Variants in GALNT13 observed in about 807,000 individuals in gnomAD.
The protein encoded by GALNT13 is polypeptide N-acetylgalactosaminyltransferase 13, also known as UDP-GalNAc:polypeptide N-acetylgalactosaminyltransferase 13.
GALNT13 carries 28 observed loss-of-function variants against 64.2 expected under a neutral mutation model. That is an observed-to-expected ratio of 0.44 (90% CI 0.32 to 0.60). The LOEUF (loss-of-function observed/expected upper bound fraction) is 0.60, where lower values mean the gene tolerates loss of function less well. Among genes scored for constraint, GALNT13 ranks in the 20% least tolerant of loss-of-function variants. The probability of loss-of-function intolerance (pLI) is 0.05; values close to 1 mark genes in which losing one functional copy is unlikely to be tolerated. For missense variants in GALNT13, 577 were observed against 669.8 expected (o/e 0.86, Z 1.53); for synonymous variants, 214 against 224.6 (o/e 0.95, Z 0.42).
the GALNT13 span, among the ~76,000 whole-genome samples, chr2:153,811,653 T>C: frequency 6.6e-6 from 1 of 152,194 alleles, no homozygotes; most frequent in Non-Finnish European, 1.5e-5. Context: ...GTAGAGAAAT[T>C]GCAAGCCAAA....
chr2:153,301,309 CA>C, the GALNT13 span, among the ~76,000 whole-genome samples: 10 of 76,432 alleles, frequency 1.3e-4, no homozygotes, highest in African/African-American at 4.7e-4. Context: ...GACTCCTTCT[CA>C]AAAAAAAAGA....
At chr2:153,621,380 C>G in the GALNT13 span, among the ~76,000 whole-genome samples, 3 of 152,078 alleles carry the variant, frequency 2.0e-5, no homozygotes, top group Non-Finnish European at 4.4e-5. Context: ...ATCCCAATGA[C>G]TGTATTGGGT....
rs1574065409 is a variant in GALNT13, at chr2:153,896,081, A to ATATATATATATATATTTTTTTTTTTTTT, written c.-176-4854_-176-4853insATATATATATATATTTTTTTTTTTTTTT. Among the ~76,000 whole-genome samples the ATATATATATATATATTTTTTTTTTTTTT allele has an allele frequency of 2.6e-4, 36 of 136,854 alleles. No homozygotes were observed. The East Asian group carries it at 4.5e-3, about 17-fold the overall frequency. The allele number at this position is 136,854 out of a possible 152,430, so 89.8% of individuals were successfully genotyped here. Reference sequence around the variant, plus strand: ...TTTCTGGAATTAAGGATGATTTTATATTTTTATGTTTTTTCCTAAATTAAA... The same window carrying ATATATATATATATATTTTTTTTTTTTTT: ...TTTCTGGAATTAAGGATGATTTTATATATATATATATATATTTTTTTTTTTTTTTTTTTATGTTTTTTCCTAAATTAAA... On this transcript the variant is annotated intron_variant, in intron 1 of 12. Transcript: ENST00000392825.
chr2:154,199,477 C>T (rs1329413061), intron 4 of GALNT13, among the ~76,000 whole-genome samples: 1 of 151,932 alleles, frequency 6.6e-6, no homozygotes, highest in Non-Finnish European at 1.5e-5. Flanking sequence ...CCTTAGGAAA[C>T]TTGAGGTTTA....
the GALNT13 span, among the ~76,000 whole-genome samples, chr2:153,165,440 CA>C: frequency 6.6e-6 from 1 of 152,148 alleles, no homozygotes; most frequent in East Asian, 1.9e-4. Context: ...TACAAACAGC[CA>C]GATTTATTTT....
At chr2:153,858,905 G>T in the GALNT13 span, among the ~76,000 whole-genome samples, 1 of 151,884 alleles carries the variant, frequency 6.6e-6, no homozygotes, top group Non-Finnish European at 1.5e-5. Context: ...ACTAATTTTT[G>T]TATTTTTTAG....
intron 9 of GALNT13, among the ~76,000 whole-genome samples, chr2:154,327,187 G>A (rs957223422): frequency 2.0e-5 from 3 of 152,102 alleles, no homozygotes; most frequent in Non-Finnish European, 4.4e-5. Context: ...TTCCTCCTTC[G>A]TTCCTTTGTT....
intron 1 of GALNT13, among the ~76,000 whole-genome samples, chr2:153,900,061 G>A (rs555800766): frequency 1.8e-3 from 271 of 150,104 alleles, no homozygotes; most frequent in African/African-American, 5.8e-3. Flanking sequence ...TCAGCCTCCC[G>A]AGTAGCTGGG....
At chr2:154,188,207 A>G (rs1224280301) in intron 4 of GALNT13, among the ~76,000 whole-genome samples, 2 of 152,132 alleles carry the variant, frequency 1.3e-5, no homozygotes, top group African/African-American at 4.8e-5. Context: ...CTTTGGTCAG[A>G]TGAATGCTCT....
At chr2:154,152,981 C>T (rs1015336590) in intron 4 of GALNT13, among the ~76,000 whole-genome samples, 15 of 152,286 alleles carry the variant, frequency 9.8e-5, no homozygotes, top group East Asian at 5.8e-4. Flanking sequence ...TGAGGAGCTG[C>T]GTTCCTTTGG....
At chr2:153,527,971 A>C in the GALNT13 span, among the ~76,000 whole-genome samples, 1 of 152,152 alleles carries the variant, frequency 6.6e-6, no homozygotes, top group South Asian at 2.1e-4. Flanking sequence ...ATATTACTGG[A>C]GAAAATCACC....
intron 8 of GALNT13, among the ~76,000 whole-genome samples, chr2:154,293,869 C>T (rs1023264691): frequency 1.3e-5 from 2 of 152,060 alleles, no homozygotes; most frequent in African/African-American, 4.8e-5. Context: ...ACCGTGGAGT[C>T]TAAATATATG....
chr2:154,408,925 T>C (rs1452888751), intron 10 of GALNT13, 59 bp from the exon 11 acceptor site: 2 of 1,013,436 alleles, frequency 2.0e-6, no homozygotes, highest in Non-Finnish European at 3.1e-6. Flanking sequence ...AAGGATTTGA[T>C]GACTTAAATA....
intron 1 of GALNT13, among the ~76,000 whole-genome samples, chr2:153,879,127 GATTT>G (rs1238292934): frequency 6.6e-6 from 1 of 152,146 alleles, no homozygotes; most frequent in African/African-American, 2.4e-5. Flanking sequence ...TCACTTAACA[GATTT>G]ATTTAACAAA....
intron 3 of GALNT13, among the ~76,000 whole-genome samples, chr2:154,053,443 A>C (rs971867204): frequency 6.6e-6 from 1 of 151,472 alleles, no homozygotes; most frequent in African/African-American, 2.4e-5. Context: ...AAATTTATTG[A>C]ATGACTTTTA....
chr2:154,095,934 G>T (rs1389852217), intron 3 of GALNT13, among the ~76,000 whole-genome samples: 1 of 151,826 alleles, frequency 6.6e-6, no homozygotes, highest in Non-Finnish European at 1.5e-5. Context: ...GTAATCTCTG[G>T]ATACCACATC....
chr2:153,737,483 A>G, the GALNT13 span, among the ~76,000 whole-genome samples: 497 of 151,956 alleles, frequency 3.3e-3, 2 homozygotes, highest in African/African-American at 0.011. Flanking sequence ...TTTTATTTTC[A>G]TTGTGTAACA....
chr2:153,328,855 GA>G, the GALNT13 span, among the ~76,000 whole-genome samples: 2 of 151,772 alleles, frequency 1.3e-5, no homozygotes, highest in Non-Finnish European at 1.5e-5. Flanking sequence ...CTGGGGTACA[GA>G]AAAAAAACTC....
the GALNT13 span, among the ~76,000 whole-genome samples, chr2:153,847,057 T>C: frequency 6.6e-6 from 1 of 151,994 alleles, no homozygotes; most frequent in African/African-American, 2.4e-5. Context: ...CAAAATGTAT[T>C]CCCTATAAAA....
Sources: allele counts gnomAD v4.1 joint callset (sites outside exome capture counted in the v4.1 genomes callset), GRCh38; gene constraint gnomAD v4.1.1; transcripts MANE v1.5; gene names NCBI Gene and HGNC (gene_info 2026-07-23, HGNC 2026-07-21).